The following GTF3C5 variants were observed in gnomAD, a reference collection of about 807,000 sequenced individuals.
GTF3C5 encodes the protein general transcription factor IIIC subunit 5.
Under a neutral mutation model 61.0 loss-of-function variants are expected in GTF3C5, and 47 were observed. That is an observed-to-expected ratio of 0.77 (90% CI 0.61 to 0.98). GTF3C5 has a LOEUF of 0.98. Ranked by LOEUF, GTF3C5 falls within the 50% of genes least tolerant of loss-of-function variation. The pLI is 0.00. For missense variants in GTF3C5, 659 were observed against 703.3 expected (o/e 0.94, Z 0.71); for synonymous variants, 295 against 275.4 (o/e 1.07, Z -0.71).
At chr9:133,055,556 C>T in intron 8 of GTF3C5, 1 of 985,430 alleles carries the variant, frequency 1.0e-6, no homozygotes, top group Non-Finnish European at 1.2e-6. Context: ...AACTACATGG[C>T]TGGGTACGGA....
At chr9:133,045,981 G>A (rs1386335895) in intron 3 of GTF3C5, among the ~76,000 whole-genome samples, 1 of 152,148 alleles carries the variant, frequency 6.6e-6, no homozygotes, top group Non-Finnish European at 1.5e-5. Context: ...GGTGTTTGTT[G>A]AATAATTGTT....
chr9:133,030,815 G>A (rs371143239), upstream of GTF3C5: 36 of 684,032 alleles, frequency 5.3e-5, no homozygotes, highest in African/African-American at 6.0e-4. Context: ...GGACACGGCG[G>A]TCGTTTTCCC....
In GTF3C5 at chr9:133,031,137, T is replaced by C. The variant is rs1338442370; in HGVS notation, c.126T>C (p.Thr42=). 1.3e-6 allele frequency: 2 copies of C among 1,590,480 alleles called. No homozygotes were observed. The highest frequency in any genetic ancestry group is 3.5e-5 in the Admixed American group (2 of 57,244). The change falls in exon 1 of 11, where the codon ACT becomes ACC. Residue 42 remains threonine (T), a synonymous_variant. Coordinates refer to ENST00000372097, the MANE Select transcript of GTF3C5 (RefSeq NM_012087.4). ...VVRDVAKMLP[T]LGGEEGVSRI... is the part of the protein sequence containing the mutation. Reference sequence around the variant, plus strand: ...GTGATGTGGCTAAGATGCTGCCGACTCTGGGCGGCGAGGAAGGCGTCTCCC... The same window carrying C: ...GTGATGTGGCTAAGATGCTGCCGACCCTGGGCGGCGAGGAAGGCGTCTCCC...
chr9:133,050,730 G>T, intron 3 of GTF3C5, 53 bp from the exon 4 acceptor site: 1 of 1,367,746 alleles, frequency 7.3e-7, no homozygotes, highest in Non-Finnish European at 1.0e-6. Context: ...GGCCCAGCGG[G>T]TGCCTGGGAT....
At chr9:133,047,678 C>G (rs752129570) in intron 3 of GTF3C5, among the ~76,000 whole-genome samples, 1 of 152,136 alleles carries the variant, frequency 6.6e-6, no homozygotes, top group Non-Finnish European at 1.5e-5. Flanking sequence ...CGCGCCATCA[C>G]GCCCAGCTAA....
At chr9:133,040,497 A>G (rs891322347) in intron 1 of GTF3C5, among the ~76,000 whole-genome samples, 2 of 152,228 alleles carry the variant, frequency 1.3e-5, no homozygotes, top group African/African-American at 4.8e-5. Context: ...CTTTATAGAT[A>G]TTTAATCATA....
chr9:133,053,816 T>C lies in GTF3C5; in HGVS notation c.874-12T>C, dbSNP rs200428210. On this transcript the variant is annotated splice_polypyrimidine_tract_variant and intron_variant, in intron 5 of 10. Coordinates refer to ENST00000372097, the MANE Select transcript of GTF3C5 (RefSeq NM_012087.4). ...CACCTCACCTCACATTTTCCCCACT[T>C]TTCTGTCCCAGATAACAGGCCCCTG... The C allele has an allele frequency of 1.5e-4, 230 of 1,580,240 alleles. No individual in the cohort carries two copies. The highest frequency in any genetic ancestry group is 1.9e-4 in the Non-Finnish European group (219 of 1,153,034).
At chr9:133,035,754 C>T (rs1849844688) in intron 1 of GTF3C5, among the ~76,000 whole-genome samples, 1 of 152,190 alleles carries the variant, frequency 6.6e-6, no homozygotes, top group Non-Finnish European at 1.5e-5. Flanking sequence ...GTTATTACCT[C>T]GACTTTCACA....
intron 1 of GTF3C5, among the ~76,000 whole-genome samples, chr9:133,033,238 C>G (rs547801956): frequency 1.5e-4 from 23 of 152,222 alleles, no homozygotes; most frequent in African/African-American, 5.3e-4. Flanking sequence ...TGTATAAACA[C>G]GAGGGTCAAA....
chr9:133,037,804 G>C (rs966027516), intron 1 of GTF3C5, among the ~76,000 whole-genome samples: 1 of 152,200 alleles, frequency 6.6e-6, no homozygotes, highest in Non-Finnish European at 1.5e-5. Flanking sequence ...GAAACAAAAA[G>C]CTCTTCTGAG....
In GTF3C5 at chr9:133,056,764, A is replaced by G; in HGVS notation, c.1251-2A>G. 6.3e-7 allele frequency: 1 copy of G among 1,595,270 alleles called. No individual in the cohort carries two copies. Among genetic ancestry groups the G allele is most frequent in the Non-Finnish European group, 8.5e-7 (1 of 1,170,250 alleles). On this transcript the variant is annotated splice_acceptor_variant, in intron 9 of 10. Coordinates refer to ENST00000372097, the MANE Select transcript of GTF3C5 (RefSeq NM_012087.4). LOFTEE classifies it high-confidence loss of function. ...ATGTCCCAACCCTCTCCCCACCCCC[A>G]GGTTGCAGAAGATCATTCACCGCAA...
intron 8 of GTF3C5, chr9:133,055,349 G>A (rs1380589836): frequency 5.3e-6 from 7 of 1,331,064 alleles, no homozygotes; most frequent in Non-Finnish European, 6.9e-6. Context: ...ATCACCTGCT[G>A]AGGGAGTGGG....
In GTF3C5 at chr9:133,058,046, G is replaced by A. The variant is rs867441910; in HGVS notation, c.*66G>A. Reference sequence around the variant, plus strand: ...TGTCTGGCCTAATGAGGGAGCCGGGGCTCCCCATTGCCACCCACAGTGCCC... The same window carrying A: ...TGTCTGGCCTAATGAGGGAGCCGGGACTCCCCATTGCCACCCACAGTGCCC... On this transcript the variant is annotated 3_prime_UTR_variant, in exon 11 of 11. Transcript: ENST00000372097. 3.8e-6 allele frequency: 6 copies of A among 1,595,088 alleles called. No homozygotes were observed. In the African/African-American group the frequency reaches 6.8e-5, roughly 18 times the overall value.
At chr9:133,051,112 C>T (rs1850360298) in intron 4 of GTF3C5, 134 bp downstream of exon 4, 1 of 601,764 alleles carries the variant, frequency 1.7e-6, no homozygotes, top group Non-Finnish European at 2.8e-6. Context: ...TGCATGGGAA[C>T]TTCTCACCTT....
At position 133,031,129 on chromosome 9, in the gene GTF3C5, C is replaced by G. The variant is rs762565386; in HGVS notation, c.118C>G (p.Leu40Val). The G allele has an allele frequency of 1.9e-6, 3 of 1,595,626 alleles. No homozygotes were observed. Among genetic ancestry groups the G allele is most frequent in the African/African-American group, 2.7e-5 (2 of 74,462 alleles). ...AGTGGTGCGTGATGTGGCTAAGATG[C>G]TGCCGACTCTGGGCGGCGAGGAAGG... is the stretch of plus-strand genomic sequence containing the variant. ...PGVVRDVAKM[L>V]PTLGGEEGVS... Residue 40 changes from leucine (L) to valine (V), a missense_variant, in exon 1 of 11, where the codon CTG becomes GTG. Physicochemically the swap from Leu to Val is conservative, Grantham distance 32. Coordinates refer to ENST00000372097, the MANE Select transcript of GTF3C5 (RefSeq NM_012087.4).
In GTF3C5 at chr9:133,031,035, G is replaced by T. The variant is rs920367013; in HGVS notation, c.24G>T (p.Leu8Phe). Residue 8 changes from leucine to phenylalanine, a missense_variant, in exon 1 of 11, where the codon TTG becomes TTT. Leu to Phe is a conservative substitution (Grantham distance 22). Coordinates refer to ENST00000372097, the MANE Select transcript of GTF3C5 (RefSeq NM_012087.4). The stretch of plus-strand genomic sequence containing the variant: ...GGATGGCGGCGGAGGCGGCCGATTT[G>T]GGGCTGGGGGCCGCCGTCCCCGTGG... MAAEAAD[L>F]GLGAAVPVEL... 2 of 1,612,022 alleles carry T rather than the reference G, an allele frequency of 1.2e-6. No homozygotes were observed. The highest frequency in any genetic ancestry group is 4.5e-5 in the East Asian group (2 of 44,872).
rs184648222 is a variant in GTF3C5 at position 133,057,249 on chromosome 9, G to T, written c.1393+341G>T. On this transcript the variant is annotated intron_variant, in intron 10 of 10. Coordinates refer to ENST00000372097, the MANE Select transcript of GTF3C5 (RefSeq NM_012087.4). ...TTTCAGCTGTGCATGCGCAGGCTCTGCCTCTGTCTTCTTCCTGTTCTGTGT... is the reference window on the plus strand; with the variant it reads ...TTTCAGCTGTGCATGCGCAGGCTCTTCCTCTGTCTTCTTCCTGTTCTGTGT... Among the ~76,000 whole-genome samples, 157 of 152,348 alleles carry T rather than the reference G, an allele frequency of 1.0e-3. No homozygotes were observed. The South Asian group carries it at 0.011, about 10-fold the overall frequency.
intron 8 of GTF3C5, 35 bp from the exon 9 acceptor site, chr9:133,055,977 T>C: frequency 6.2e-7 from 1 of 1,613,716 alleles, no homozygotes. Flanking sequence ...GGGCTCTGGC[T>C]CACCTTCCCT....
At chr9:133,044,880 CAT>C (rs112561557) in intron 3 of GTF3C5, among the ~76,000 whole-genome samples, 3,254 of 151,704 alleles carry the variant, frequency 0.021, 119 homozygotes, top group African/African-American at 0.073. Flanking sequence ...GGACGTGACT[CAT>C]AGTGCACCCA....
Sources: gnomAD v4.1 joint callset for allele counts (sites outside exome capture counted in the v4.1 genomes callset) on GRCh38, gnomAD v4.1.1 for gene constraint, MANE v1.5 for transcripts, NCBI Gene and HGNC (gene_info 2026-07-23, HGNC 2026-07-21) for gene names.